Variants in HJURP observed in about 807,000 individuals in gnomAD.
HJURP encodes 14-3-3-associated AKT substrate.
Under a neutral mutation model 72.0 loss-of-function variants are expected in HJURP, and 49 were observed. The observed-to-expected ratio is 0.68, with a 90% CI of 0.54 to 0.86. HJURP has a LOEUF of 0.86. HJURP is among the 40% of genes least tolerant of loss of function. The pLI, the probability that HJURP is intolerant of heterozygous loss-of-function variation, is 0.00. For synonymous variants in HJURP, 357 were observed against 347.1 expected (o/e 1.03, Z -0.32); for missense variants, 908 against 936.3 (o/e 0.97, Z 0.39).
Position 233,854,445 on chromosome 2 carries a change from A to C in HJURP, c.56T>G (p.Leu19Arg). 1 of 1,612,404 alleles carries C rather than the reference A, an allele frequency of 6.2e-7. No individual in the cohort carries two copies. The change falls in exon 1 of 9, where the codon CTG (leucine) becomes CGG (arginine). Residue 19 changes from leucine to arginine, a missense_variant. Leu to Arg is a moderately radical substitution (Grantham distance 102). This residue lies in a region of HJURP where 299 missense variants were observed against 286.7 expected (regional missense o/e 1.04). Coordinates refer to ENST00000411486, the MANE Select transcript of HJURP (RefSeq NM_018410.5). ...EGEDVEDDQL[L>R]QKLRASRRRF... is the part of the protein sequence containing the mutation. ...GCGGCGACTGGCCCTGAGCTTCTGC[A>C]GCAGCTGGTCGTCTTCCACGTCCTC...
rs549465736 is a variant in HJURP at position 233,840,368 on chromosome 2, A to G, written c.2171+241T>C. Among the ~76,000 whole-genome samples the G allele has an allele frequency of 2.0e-5, 3 of 152,330 alleles. No homozygotes were observed. In the East Asian group the frequency reaches 5.8e-4, roughly 29 times the overall value. On this transcript the variant is annotated intron_variant, in intron 8 of 8. Transcript: ENST00000411486. ...AATGCATTCTAATGGAAAGTGTGAA[A>G]CTTCTGCAAGAGCACTTTCTGCTTT...
intron 3 of HJURP, among the ~76,000 whole-genome samples, chr2:233,851,804 CAAG>C (rs1705502069): frequency 6.6e-6 from 1 of 152,200 alleles, no homozygotes; most frequent in African/African-American, 2.4e-5. Flanking sequence ...AATAATTAAT[CAAG>C]AAGATTTGAT....
intron 3 of HJURP, 56 bp downstream of exon 3, chr2:233,852,509 A>G: frequency 2.3e-6 from 3 of 1,321,550 alleles, no homozygotes; most frequent in Non-Finnish European, 3.3e-6. Context: ...ACCTTTATTC[A>G]TATGAATACT....
Position 233,854,411 on chromosome 2 carries a change from CTG to C in HJURP, c.88_89del (p.Gln30GlufsTer72), listed in dbSNP as rs1317973377. The C allele has an allele frequency of 6.2e-7, 1 of 1,608,012 alleles. No homozygotes were observed. Among genetic ancestry groups the C allele is most frequent in the Non-Finnish European group, 8.5e-7 (1 of 1,178,158 alleles). On this transcript the variant is annotated frameshift_variant, in exon 1 of 9. Transcript: ENST00000411486. LOFTEE classifies it high-confidence loss of function. ...TCTCTATCAGCCGCTGCATGCGCCT[CTG>C]GAAGCGGCGGCGACTGGCCCTGAGC... ...QKLRASRRRFQRRMQRLIEKY... is the reference protein window; with the variant it reads ...QKLRASRRRFXRRMQRLIEKY...
At chr2:233,853,969 G>A (rs545622689) in intron 1 of HJURP, 59 bp from the exon 2 acceptor site, 2 of 1,493,890 alleles carry the variant, frequency 1.3e-6, no homozygotes, top group South Asian at 2.3e-5. Flanking sequence ...CCCCAGACCC[G>A]GGAGGAGGCG....
rs781721336 is a variant in HJURP, at chr2:233,840,673, C to A, written c.2107G>T (p.Gly703Trp). ...CCCGGTCTGACGGTGTTGTCCACCC[C>A]ATCTGAGGCACCCAGGGAATTGCCC... ...RQGNSLGASDGVDNTVRPGDQ... is the reference protein window; with the variant it reads ...RQGNSLGASDWVDNTVRPGDQ... Residue 703 changes from glycine (G) to tryptophan (W), a missense_variant, in exon 8 of 9, where the codon GGG (glycine) becomes TGG (tryptophan). Physicochemically the swap from Gly to Trp is radical, Grantham distance 184. Coordinates refer to ENST00000411486, the MANE Select transcript of HJURP (RefSeq NM_018410.5). The A allele has an allele frequency of 4.3e-6, 7 of 1,613,658 alleles. No homozygotes were observed. Among genetic ancestry groups the A allele is most frequent in the Non-Finnish European group, 5.9e-6 (7 of 1,179,938 alleles).
intron 8 of HJURP, among the ~76,000 whole-genome samples, chr2:233,840,011 T>C (rs1420113059): frequency 6.6e-6 from 1 of 152,062 alleles, no homozygotes; most frequent in Non-Finnish European, 1.5e-5. Flanking sequence ...CACCCCACTG[T>C]CTCTAGAGAA....
chr2:233,842,271 G>T, intron 7 of HJURP, 66 bp from the exon 8 acceptor site: 1 of 1,368,128 alleles, frequency 7.3e-7, no homozygotes, highest in South Asian at 1.4e-5. Flanking sequence ...GTGCACAGAT[G>T]ACAGAACTTA....
In HJURP at chr2:233,854,531, G is replaced by T. The variant is rs372157299; in HGVS notation, c.-31C>A. ...CCAGCCAGTACCCAAGCGCCAACCC[G>T]GACTGCAGGGCCTCGCGCGCCACAA... is the stretch of plus-strand genomic sequence containing the variant. On this transcript the variant is annotated 5_prime_UTR_variant, in exon 1 of 9. Coordinates refer to ENST00000411486, the MANE Select transcript of HJURP (RefSeq NM_018410.5). The T allele has an allele frequency of 4.0e-4, 593 of 1,497,292 alleles. 2 individuals carry two copies. The highest frequency in any genetic ancestry group is 4.9e-4 in the Non-Finnish European group (533 of 1,085,578). 92.8% of individuals were successfully genotyped at this position (1,497,292 alleles called of 1,614,324 possible).
At position 233,841,728 on chromosome 2, in the gene HJURP, G is replaced by T. The variant is rs753877313; in HGVS notation, c.1052C>A (p.Thr351Lys). Residue 351 changes from threonine to lysine, a missense_variant, in exon 8 of 9, where the codon ACA becomes AAA. Thr to Lys is a moderately conservative substitution (Grantham distance 78). Transcript: ENST00000411486. Reference sequence around the variant, plus strand: ...AAAAGCTTTTTCCAATTTTAAACCTGTCTTACGGCAAGAAACATCTAATAC... The same window carrying T: ...AAAAGCTTTTTCCAATTTTAAACCTTTCTTACGGCAAGAAACATCTAATAC... ...KNVLDVSCRK[T>K]GLKLEKAFLE... 1 of 1,614,124 alleles carries T rather than the reference G, an allele frequency of 6.2e-7. No individual in the cohort carries two copies.
At chr2:233,842,226 A>C in intron 7 of HJURP, 21 bp from the exon 8 acceptor site, 1 of 1,576,358 alleles carries the variant, frequency 6.3e-7, no homozygotes. Context: ...AGATACACAT[A>C]AAGTAAAGGT....
At chr2:233,854,221 C>T (rs1212283318) in intron 1 of HJURP, among the ~76,000 whole-genome samples, 163 bp downstream of exon 1, 1 of 152,198 alleles carries the variant, frequency 6.6e-6, no homozygotes, top group Non-Finnish European at 1.5e-5. Flanking sequence ...TCTCCGGAGC[C>T]CCCAGCTCCG....
rs1229609563 is a variant in HJURP, at chr2:233,837,430, G to T, written c.*147C>A. The T allele has an allele frequency of 1.1e-5, 7 of 633,004 alleles. No homozygotes were observed. Among genetic ancestry groups the T allele is most frequent in the Middle Eastern group, 2.7e-4 (1 of 3,750 alleles). The allele number at this position is 633,004 out of a possible 1,614,324, so 39.2% of individuals were successfully genotyped here. A position where few individuals can be genotyped will look rare whatever the true frequency, so the allele number is the denominator to read the frequency against. On this transcript the variant is annotated 3_prime_UTR_variant, in exon 9 of 9. Coordinates refer to ENST00000411486, the MANE Select transcript of HJURP (RefSeq NM_018410.5). ...ATAATTTCTACACCAAGAACTCGAG[G>T]TTATCTCTGATGGAACCAATTTCAC...
chr2:233,841,582 C>T lies in HJURP; in HGVS notation c.1198G>A (p.Glu400Lys). ...TTTAATGTCCTAAATCTATTTTCCT[C>T]ATCAAGATTATATGTTGCACTGGAG... ...FDSSATYNLDEENRFRTLKWL... is the reference protein window; with the variant it reads ...FDSSATYNLDKENRFRTLKWL... The change falls in exon 8 of 9, where the codon GAG (glutamate) becomes AAG (lysine). Residue 400 changes from glutamate to lysine, a missense_variant. Glu to Lys is a moderately conservative substitution (Grantham distance 56). Around this residue, in one of 3 missense-constraint regions of HJURP, gnomAD observed 598 missense variants for 619.5 expected, o/e 0.97. Coordinates refer to ENST00000411486, the MANE Select transcript of HJURP (RefSeq NM_018410.5). 6.2e-7 allele frequency: 1 copy of T among 1,614,198 alleles called. No homozygotes were observed. Among genetic ancestry groups the T allele is most frequent in the Non-Finnish European group, 8.5e-7 (1 of 1,180,020 alleles).
Position 233,854,418 on chromosome 2 carries a change from C to T in HJURP, c.83G>A (p.Arg28His). 8 of 1,608,900 alleles carry T rather than the reference C, an allele frequency of 5.0e-6. No individual in the cohort carries two copies. Among genetic ancestry groups the T allele is most frequent in the Non-Finnish European group, 4.2e-6 (5 of 1,178,324 alleles). The change falls in exon 1 of 9, where the codon CGC becomes CAC. Residue 28 changes from arginine to histidine, a missense_variant. By Grantham distance (29) the Arg-to-His change is conservative. Around this residue, in one of 3 missense-constraint regions of HJURP, gnomAD observed 299 missense variants for 286.7 expected, o/e 1.04. Coordinates refer to ENST00000411486, the MANE Select transcript of HJURP (RefSeq NM_018410.5). ...LLQKLRASRR[R>H]FQRRMQRLIE... ...CAGCCGCTGCATGCGCCTCTGGAAG[C>T]GGCGGCGACTGGCCCTGAGCTTCTG...
In HJURP at chr2:233,841,174, G is replaced by T. The variant is rs1243704497; in HGVS notation, c.1606C>A (p.Pro536Thr). Residue 536 changes from proline to threonine, a missense_variant, in exon 8 of 9, where the codon CCG becomes ACG. Coordinates refer to ENST00000411486, the MANE Select transcript of HJURP (RefSeq NM_018410.5). ...ACGTGAAGGTCAGATGTCTGCTGCG[G>T]GCGAGTTGCGCTGTGTGTGGGGTTG... ...KTNPTHSATRPQQTSDLHVQG... is the reference protein window; with the variant it reads ...KTNPTHSATRTQQTSDLHVQG... 6.2e-7 allele frequency: 1 copy of T among 1,614,054 alleles called. No homozygotes were observed. The highest frequency in any genetic ancestry group is 1.3e-5 in the African/African-American group (1 of 74,890).
At chr2:233,852,039 C>A (rs571665970) in intron 3 of HJURP, among the ~76,000 whole-genome samples, 6 of 152,148 alleles carry the variant, frequency 3.9e-5, no homozygotes, top group African/African-American at 1.4e-4. Context: ...GGTCTCAGAG[C>A]GACAACACCC....
At chr2:233,850,248 T>G (rs1705467656) in intron 3 of HJURP, among the ~76,000 whole-genome samples, 1 of 152,206 alleles carries the variant, frequency 6.6e-6, no homozygotes, top group African/African-American at 2.4e-5. Flanking sequence ...AATAGGCAAG[T>G]GGCCCCTGGG....
rs1436052475 is a variant in HJURP at position 233,847,385 on chromosome 2, G to A, written c.402+12C>T. ...CCCCCTCTGTCCATTCATTACTAAA[G>A]GCAGCACTTACTGCTAAGGCCCAAG... On this transcript the variant is annotated intron_variant, in intron 5 of 8. Transcript: ENST00000411486. 1.9e-6 allele frequency: 3 copies of A among 1,609,596 alleles called. No individual in the cohort carries two copies. Among genetic ancestry groups the A allele is most frequent in the Non-Finnish European group, 8.5e-7 (1 of 1,175,844 alleles).
Sources: gnomAD v4.1 joint callset for allele counts (sites outside exome capture counted in the v4.1 genomes callset) on GRCh38, gnomAD v4.1.1 for gene constraint, gnomAD v4.1.1 regional missense constraint, MANE v1.5 for transcripts, NCBI Gene and HGNC (gene_info 2026-07-23, HGNC 2026-07-21) for gene names.